Variants in KLHL36 observed in about 807,000 individuals in gnomAD.
The protein encoded by KLHL36 is kelch-like protein 36.
In KLHL36, 35 loss-of-function variants were observed where a neutral mutation model predicts 53.3. The ratio of observed to expected loss-of-function variants is 0.66; its 90% CI spans 0.50 to 0.87. KLHL36 has a LOEUF of 0.87. KLHL36 is among the 40% of genes least tolerant of loss of function. The probability of loss-of-function intolerance (pLI) is 0.00; values close to 1 mark genes in which losing one functional copy is unlikely to be tolerated. For synonymous variants in KLHL36, 472 were observed against 398.9 expected, an observed-to-expected ratio of 1.18 and a Z score of -2.18; for missense variants, 864 against 897.6, an observed-to-expected ratio of 0.96 and a Z score of 0.48.
intron 2 of KLHL36, among the ~76,000 whole-genome samples, chr16:84,653,172 G>A (rs546583450): frequency 1.4e-4 from 21 of 151,892 alleles, no homozygotes; most frequent in African/African-American, 3.9e-4. Context: ...AGCTATGATC[G>A]CACCACTGTA....
rs1306685742 is a variant in KLHL36, at chr16:84,663,997, A to G, written c.*1864A>G. On this transcript the variant is annotated 3_prime_UTR_variant, in exon 5 of 5. Coordinates refer to ENST00000564996, the MANE Select transcript of KLHL36 (RefSeq NM_024731.4). ...TTCTGCGAGGCATACAAACAAACAG[A>G]CCAAAAGGCTGGAAACTCTGCTTGG... 1 of 152,178 alleles carries G rather than the reference A, an allele frequency of 6.6e-6. No individual in the cohort carries two copies. Among genetic ancestry groups the G allele is most frequent in the Non-Finnish European group, 1.5e-5 (1 of 68,032 alleles). The allele number at this position is 152,178 out of a possible 1,614,324, so 9.4% of individuals were successfully genotyped here.
Position 84,657,698 on chromosome 16 carries a change from G to C in KLHL36, c.891G>C (p.Leu297=), listed in dbSNP as rs766930057. Residue 297 remains leucine, a synonymous_variant, in exon 3 of 5, where the codon CTG becomes CTC. Transcript: ENST00000564996. ...RTALRTNQER[L]LFVGGEVSER... ...CGCTGCGCACCAACCAGGAGCGCCT[G>C]CTGTTTGTGGGCGGCGAGGTCTCCG... 6.2e-7 allele frequency: 1 copy of C among 1,612,616 alleles called. No homozygotes were observed. The highest frequency in any genetic ancestry group is 8.5e-7 in the Non-Finnish European group (1 of 1,179,812).
rs745918761 is a variant in KLHL36 at position 84,657,479 on chromosome 16, C to T, written c.672C>T (p.Arg224=). The change falls in exon 3 of 5, where the codon CGC becomes CGT. Residue 224 remains arginine, a synonymous_variant. Transcript: ENST00000564996. The part of the protein sequence containing the change: ...ALQWLTQQPE[R]EAHARQVLEN... ...AGTGGCTGACGCAGCAGCCCGAGCG[C>T]GAGGCCCACGCCCGCCAGGTGCTGG... is the stretch of plus-strand genomic sequence containing the variant. 1.2e-5 allele frequency: 19 copies of T among 1,607,258 alleles called. No homozygotes were observed. In the East Asian group the frequency reaches 1.8e-4, roughly 15 times the overall value.
rs72797510 is a variant in KLHL36, at chr16:84,656,861, C to T, written c.64-10C>T. Reference sequence around the variant, plus strand: ...TGCTGCGCCGTTTCTAATGTGTCTTCTCTGTCCAGGTATACCGCTGGGCCG... The same window carrying T: ...TGCTGCGCCGTTTCTAATGTGTCTTTTCTGTCCAGGTATACCGCTGGGCCG... On this transcript the variant is annotated splice_polypyrimidine_tract_variant and intron_variant, in intron 2 of 4. Transcript: ENST00000564996. The T allele has an allele frequency of 0.3, 474,417 of 1,591,800 alleles. 74,090 individuals are homozygous for T. Among genetic ancestry groups the T allele is most frequent in the Non-Finnish European group, 0.32 (378,042 of 1,165,884 alleles).
At position 84,656,979 on chromosome 16, in the gene KLHL36, C is replaced by G. The variant is rs566891751; in HGVS notation, c.172C>G (p.Pro58Ala). 1.2e-6 allele frequency: 2 copies of G among 1,613,982 alleles called. No individual in the cohort carries two copies. The highest frequency in any genetic ancestry group is 1.7e-6 in the Non-Finnish European group (2 of 1,180,038). ...VVLVADEQRV[P>A]AHRNLLAVCS... ...CCTGGTGGCCGATGAGCAGCGTGTG[C>G]CAGCCCATCGCAACCTGCTGGCCGT... Residue 58 changes from proline to alanine, a missense_variant, in exon 3 of 5, where the codon CCA becomes GCA. Coordinates refer to ENST00000564996, the MANE Select transcript of KLHL36 (RefSeq NM_024731.4).
Position 84,661,346 on chromosome 16 carries a change from A to C in KLHL36, c.1296-232A>C, listed in dbSNP as rs1401817032. ...GGCAAGGGAGACTCAGAGAGAGTGAAGCTGGGTTCTGGCCCAGGCGGCCTG... is the reference window on the plus strand; with the variant it reads ...GGCAAGGGAGACTCAGAGAGAGTGACGCTGGGTTCTGGCCCAGGCGGCCTG... On this transcript the variant is annotated intron_variant, in intron 4 of 4. Coordinates refer to ENST00000564996, the MANE Select transcript of KLHL36 (RefSeq NM_024731.4). This position sits in a 1 kb window ranked among gnomAD's most constrained non-coding sequence, Gnocchi z 7.9. Among the ~76,000 whole-genome samples, 1 of 152,184 alleles carries C rather than the reference A, an allele frequency of 6.6e-6. No homozygotes were observed. Among genetic ancestry groups the C allele is most frequent in the Non-Finnish European group, 1.5e-5 (1 of 68,034 alleles).
In KLHL36 at chr16:84,659,930, T is replaced by A. The variant is rs1186170491; in HGVS notation, c.1295+13T>A. 1 of 1,599,608 alleles carries A rather than the reference T, an allele frequency of 6.3e-7. No homozygotes were observed. The highest frequency in any genetic ancestry group is 8.6e-7 in the Non-Finnish European group (1 of 1,168,532). On this transcript the variant is annotated intron_variant, in intron 4 of 4. Coordinates refer to ENST00000564996, the MANE Select transcript of KLHL36 (RefSeq NM_024731.4). The stretch of plus-strand genomic sequence containing the variant: ...CCGGCTTGCCAAGGTGATCTGGGGC[T>A]TGGTGGAAGGTTCTCCAAATGGGAT...
In KLHL36 at chr16:84,657,150, A is replaced by G. The variant is rs1907254968; in HGVS notation, c.343A>G (p.Asn115Asp). 6.2e-7 allele frequency: 1 copy of G among 1,614,038 alleles called. No individual in the cohort carries two copies. Among genetic ancestry groups the G allele is most frequent in the African/African-American group, 1.3e-5 (1 of 74,916 alleles). The part of the protein sequence containing the change: ...YGGELVLDGG[N>D]IDYVLETAHL... The stretch of plus-strand genomic sequence containing the variant: ...CGGGGAGCTGGTGCTGGATGGCGGC[A>G]ACATTGACTACGTCCTGGAGACGGC... The change falls in exon 3 of 5, where the codon AAC becomes GAC. Residue 115 changes from asparagine (N) to aspartate (D), a missense_variant. Coordinates refer to ENST00000564996, the MANE Select transcript of KLHL36 (RefSeq NM_024731.4).
Position 84,663,671 on chromosome 16 carries a change from C to T in KLHL36, c.*1538C>T, listed in dbSNP as rs1480500625. 7 of 152,182 alleles carry T rather than the reference C, an allele frequency of 4.6e-5. No homozygotes were observed. The highest frequency in any genetic ancestry group is 7.2e-5 in the African/African-American group (3 of 41,454). 9.4% of individuals were successfully genotyped at this position (152,182 alleles called of 1,614,324 possible). On this transcript the variant is annotated 3_prime_UTR_variant, in exon 5 of 5. Transcript: ENST00000564996. ...CCCTTTAAGAGGGCTCTCAGCTGCT[C>T]GAGTGGATGAGGATCAATGTGTTAA...
chr16:84,653,814 TG>T (rs1907043257), intron 2 of KLHL36, among the ~76,000 whole-genome samples: 1 of 121,966 alleles, frequency 8.2e-6, no homozygotes, highest in South Asian at 2.6e-4. Flanking sequence ...CACTCCAGCC[TG>T]GGCAACAGAG....
rs749318314 is a variant in KLHL36, at chr16:84,657,584, G to C, written c.777G>C (p.Lys259Asn). 6.2e-7 allele frequency: 1 copy of C among 1,611,010 alleles called. No individual in the cohort carries two copies. The highest frequency in any genetic ancestry group is 1.3e-5 in the African/African-American group (1 of 74,928). The part of the protein sequence containing the change: ...VKPAVCSLLP[K>N]EANCEGFIEE... ...CGGCCGTGTGCTCGCTGCTGCCCAA[G>C]GAGGCCAACTGCGAGGGCTTCATCG... Residue 259 changes from lysine (K) to asparagine (N), a missense_variant, in exon 3 of 5, where the codon AAG becomes AAC. Lys to Asn is a moderately conservative substitution (Grantham distance 94). Coordinates refer to ENST00000564996, the MANE Select transcript of KLHL36 (RefSeq NM_024731.4).
rs62048801 is a variant in KLHL36 at position 84,666,894 on chromosome 16, C to T, written c.*4761C>T. On this transcript the variant is annotated 3_prime_UTR_variant, in exon 5 of 5. Coordinates refer to ENST00000564996, the MANE Select transcript of KLHL36 (RefSeq NM_024731.4). ...GACCACCCTGACCAACATGGTGAAA[C>T]CCCGTCTCTACTAAAATACAAAAAT... 2 of 151,836 alleles carry T rather than the reference C, an allele frequency of 1.3e-5. No homozygotes were observed. The highest frequency in any genetic ancestry group is 2.9e-5 in the Non-Finnish European group (2 of 68,000). 9.4% of individuals were successfully genotyped at this position (151,836 alleles called of 1,614,324 possible).
intron 1 of KLHL36, among the ~76,000 whole-genome samples, 157 bp from the exon 2 acceptor site, chr16:84,650,695 C>T (rs559679872): frequency 2.6e-5 from 4 of 152,170 alleles, no homozygotes; most frequent in Non-Finnish European, 4.4e-5. Context: ...TTTCTCAACT[C>T]GGTGTAAAAG....
At position 84,656,855 on chromosome 16, in the gene KLHL36, T is replaced by G. The variant is rs1260994384; in HGVS notation, c.64-16T>G. ...GCAGGCTGCTGCGCCGTTTCTAATG[T>G]GTCTTCTCTGTCCAGGTATACCGCT... On this transcript the variant is annotated splice_polypyrimidine_tract_variant and intron_variant, in intron 2 of 4. Transcript: ENST00000564996. 1 of 1,587,112 alleles carries G rather than the reference T, an allele frequency of 6.3e-7. No homozygotes were observed. The highest frequency in any genetic ancestry group is 2.3e-5 in the East Asian group (1 of 44,394).
At chr16:84,658,915 G>T (rs536472717) in intron 3 of KLHL36, 10 of 152,282 alleles carry the variant, frequency 6.6e-5, no homozygotes, top group African/African-American at 2.4e-4. Context: ...TGGCTTTGGA[G>T]CCTCCTCCCG....
chr16:84,649,152 T>C (rs1371073461), intron 1 of KLHL36: 1 of 152,304 alleles, frequency 6.6e-6, no homozygotes, highest in Non-Finnish European at 1.5e-5. Context: ...GAAGACCTTT[T>C]CCAGTGACCT....
At chr16:84,659,610 G>A (rs1907425934) in intron 3 of KLHL36, 150 bp from the exon 4 acceptor site, 1 of 803,038 alleles carries the variant, frequency 1.2e-6, no homozygotes. Context: ...GCTCCCACCT[G>A]AAGAAGCCCT....
intron 2 of KLHL36, among the ~76,000 whole-genome samples, chr16:84,654,220 C>T (rs1387001589): frequency 1.3e-5 from 2 of 152,244 alleles, no homozygotes; most frequent in Non-Finnish European, 2.9e-5. Context: ...CCCTCATATG[C>T]GTCTCTCAGG....
At position 84,662,004 on chromosome 16, in the gene KLHL36, G is replaced by C. The variant is rs1021204413; in HGVS notation, c.1722G>C (p.Lys574Asn). The change falls in exon 5 of 5, where the codon AAG becomes AAC. Residue 574 changes from lysine (K) to asparagine (N), a missense_variant. Coordinates refer to ENST00000564996, the MANE Select transcript of KLHL36 (RefSeq NM_024731.4). The part of the protein sequence containing the change: ...TVQVYDREAD[K>N]WSRGVDLPKA... ...AGGTGTACGACCGCGAGGCCGACAAGTGGAGCAGGGGCGTCGACCTGCCCA... is the reference window on the plus strand; with the variant it reads ...AGGTGTACGACCGCGAGGCCGACAACTGGAGCAGGGGCGTCGACCTGCCCA... 1.3e-6 allele frequency: 2 copies of C among 1,593,342 alleles called. No homozygotes were observed. Among genetic ancestry groups the C allele is most frequent in the Non-Finnish European group, 1.7e-6 (2 of 1,171,452 alleles).
Sources: gnomAD v4.1 joint callset for allele counts (sites outside exome capture counted in the v4.1 genomes callset) on GRCh38, gnomAD v4.1.1 for gene constraint, Gnocchi (gnomAD v3.1) non-coding constraint, MANE v1.5 for transcripts, NCBI Gene and HGNC (gene_info 2026-07-23, HGNC 2026-07-21) for gene names.